TRAK2: variants seen among roughly 807,000 people sequenced by gnomAD.
TRAK2 encodes the protein trafficking kinesin-binding protein 2.
A neutral mutation model predicts 104.6 loss-of-function variants in TRAK2; 81 were observed. The ratio of observed to expected loss-of-function variants is 0.77; its 90% CI spans 0.65 to 0.93. The LOEUF (loss-of-function observed/expected upper bound fraction) is 0.93. TRAK2 is among the 40% of genes least tolerant of loss of function. The pLI is 0.00. For synonymous variants in TRAK2, 406 were observed against 394.4 expected (o/e 1.03, Z -0.35); for missense variants, 1,002 against 1,089.0 (o/e 0.92, Z 1.12).
intron 1 of TRAK2, among the ~76,000 whole-genome samples, chr2:201,443,953 C>A (rs1167964085): frequency 1.3e-5 from 2 of 152,156 alleles, no homozygotes; most frequent in Non-Finnish European, 2.9e-5. Flanking sequence ...GTAATCCCAG[C>A]ACTTTGGGAG....
At chr2:201,413,204 A>C (rs1297425907) in intron 2 of TRAK2, 22 of 1,494,888 alleles carry the variant, frequency 1.5e-5, no homozygotes, top group Non-Finnish European at 2.0e-5. Context: ...CAATGTGCTG[A>C]CCAACATCAA....
chr2:201,386,581 A>G, intron 13 of TRAK2, 97 bp from the exon 14 acceptor site: 2 of 1,433,340 alleles, frequency 1.4e-6, no homozygotes, highest in Non-Finnish European at 1.9e-6. Flanking sequence ...AACAATAATG[A>G]CAGCAATAAA....
intron 12 of TRAK2, among the ~76,000 whole-genome samples, chr2:201,388,545 A>G (rs951982219): frequency 6.6e-6 from 1 of 152,250 alleles, no homozygotes; most frequent in African/African-American, 2.4e-5. Flanking sequence ...AAATTTGTAT[A>G]TAATACTGCA....
In TRAK2 at chr2:201,380,753, T is replaced by C. The variant is rs1361880673; in HGVS notation, c.2535A>G (p.Arg845=). The change falls in exon 16 of 16, where the codon AGA becomes AGG. Residue 845 remains arginine (R), a synonymous_variant. Transcript: ENST00000332624. The part of the protein sequence containing the change: ...VDRLKRLGIA[R]VVKNPGAQEN... ...CTTGGGCACCAGGGTTCTTGACCAC[T>C]CTGGCTATCCCCAGTCTCTTCAGCC... 6.2e-7 allele frequency: 1 copy of C among 1,614,144 alleles called. No homozygotes were observed. The highest frequency in any genetic ancestry group is 1.1e-5 in the South Asian group (1 of 91,078).
At chr2:201,429,348 GCTCTT>G (rs773356013) in intron 1 of TRAK2, among the ~76,000 whole-genome samples, 23 of 152,300 alleles carry the variant, frequency 1.5e-4, no homozygotes, top group Middle Eastern at 3.4e-3. Context: ...TCTTGCAGTT[GCTCTT>G]CTCGAGGAGT....
intron 12 of TRAK2, 151 bp from the exon 13 acceptor site, chr2:201,388,152 C>T: frequency 4.0e-6 from 3 of 755,680 alleles, no homozygotes; most frequent in South Asian, 1.5e-5. Flanking sequence ...TAACAACAAA[C>T]CAAAATCACC....
rs1403641659 is a variant in TRAK2 at position 201,378,447 on chromosome 2, G to C, written c.*2096C>G. Reference sequence around the variant, plus strand: ...AGTTTCCTACTTCCTGATGTTTCCTGGAAACTGTAACTGTCCAGGCAACAG... The same window carrying C: ...AGTTTCCTACTTCCTGATGTTTCCTCGAAACTGTAACTGTCCAGGCAACAG... On this transcript the variant is annotated 3_prime_UTR_variant, in exon 16 of 16. Coordinates refer to ENST00000332624, the MANE Select transcript of TRAK2 (RefSeq NM_015049.3). 1 of 151,974 alleles carries C rather than the reference G, an allele frequency of 6.6e-6. No homozygotes were observed. The highest frequency in any genetic ancestry group is 6.6e-5 in the Admixed American group (1 of 15,246). 9.4% of individuals were successfully genotyped at this position (151,974 alleles called of 1,614,324 possible).
chr2:201,425,713 GCTTT>G lies in TRAK2; in HGVS notation c.-199-5011_-199-5008del, dbSNP rs558849086. 3.7e-3 allele frequency among the ~76,000 whole-genome samples: 379 copies of G among 103,290 alleles called. 2 individuals carry two copies. The highest frequency in any genetic ancestry group is 0.011 in the African/African-American group (350 of 31,538). The allele number at this position is 103,290 out of a possible 152,430, so 67.8% of individuals were successfully genotyped here. A position where few individuals can be genotyped will look rare whatever the true frequency, so the allele number is the denominator to read the frequency against. On this transcript the variant is annotated intron_variant, in intron 1 of 15. Transcript: ENST00000332624. ...ACCGTGCCCCACTCCAGAAAGCATT[GCTTT>G]TTTTTTTTAAATAATGTTATATACT... is the stretch of plus-strand genomic sequence containing the variant.
At chr2:201,389,180 G>T in intron 12 of TRAK2, 120 bp downstream of exon 12, 1 of 1,004,246 alleles carries the variant, frequency 1.0e-6, no homozygotes, top group Non-Finnish European at 1.5e-6. Flanking sequence ...ATAAGTGAAG[G>T]AAAACTGACA....
At chr2:201,407,311 G>A in intron 3 of TRAK2, 92 bp downstream of exon 3, 1 of 1,088,760 alleles carries the variant, frequency 9.2e-7, no homozygotes, top group Non-Finnish European at 1.3e-6. Context: ...CTGAACAATG[G>A]CTACTAAACA....
intron 5 of TRAK2, 53 bp from the exon 6 acceptor site, chr2:201,398,407 G>A (rs2125645975): frequency 1.4e-6 from 2 of 1,432,840 alleles, no homozygotes; most frequent in East Asian, 4.6e-5. Flanking sequence ...ATTATTTATA[G>A]CAATATAGCT....
At chr2:201,414,339 T>C (rs1231326663) in intron 2 of TRAK2, among the ~76,000 whole-genome samples, 1 of 152,188 alleles carries the variant, frequency 6.6e-6, no homozygotes, top group Non-Finnish European at 1.5e-5. Flanking sequence ...ATAGCGAAAG[T>C]ACAGGATGTC....
In TRAK2 at chr2:201,407,585, T is replaced by A; in HGVS notation, c.104A>T (p.Asn35Ile). 6.2e-7 allele frequency: 1 copy of A among 1,613,210 alleles called. No individual in the cohort carries two copies. The change falls in exon 3 of 16, where the codon AAT becomes ATT. Residue 35 changes from asparagine to isoleucine, a missense_variant. Transcript: ENST00000332624. The stretch of plus-strand genomic sequence containing the variant: ...CAGCTCAACTTCAGGGAGATCCTCA[T>A]TGGAGCAGACATCTAAAGAGGAGAG... The part of the protein sequence containing the change: ...DSESITDVCS[N>I]EDLPEVELVS...
chr2:201,446,052 TG>T (rs1380010896), intron 1 of TRAK2, among the ~76,000 whole-genome samples: 2 of 152,202 alleles, frequency 1.3e-5, no homozygotes, highest in Non-Finnish European at 2.9e-5. Flanking sequence ...TGGGGATAGA[TG>T]AACTTTTTCC....
chr2:201,380,874 G>C lies in TRAK2; in HGVS notation c.2414C>G (p.Ser805Cys), dbSNP rs767933651. The change falls in exon 16 of 16, where the codon TCT (serine) becomes TGT (cysteine). Residue 805 changes from serine (S) to cysteine (C), a missense_variant. Ser to Cys is a moderately radical substitution (Grantham distance 112). Transcript: ENST00000332624. Reference sequence around the variant, plus strand: ...CTGGAGGAATGTCTCAGCTGGTCGAGAGGCCAAAAAATTTTCAGAGAGATG... The same window carrying C: ...CTGGAGGAATGTCTCAGCTGGTCGACAGGCCAAAAAATTTTCAGAGAGATG... Reference protein sequence around the residue: ...RVHLSENFLASRPAETFLQEM... With the variant: ...RVHLSENFLACRPAETFLQEM... 6 of 1,613,942 alleles carry C rather than the reference G, an allele frequency of 3.7e-6. No homozygotes were observed. In the South Asian group the frequency reaches 4.4e-5, roughly 12 times the overall value.
Position 201,380,985 on chromosome 2 carries a change from G to C in TRAK2, c.2303C>G (p.Pro768Arg), listed in dbSNP as rs772281604. Residue 768 changes from proline (P) to arginine (R), a missense_variant, in exon 16 of 16, where the codon CCT (proline) becomes CGT (arginine). Pro to Arg is a moderately radical substitution (Grantham distance 103). Transcript: ENST00000332624. ...PISENPLQPL[P>R]KSLAIPSTPP... ...TGTGGAAGGGATAGCCAGGGATTTA[G>C]GGAGAGGCTGGAGGGGGTTCTCTGA... The C allele has an allele frequency of 6.2e-7, 1 of 1,614,034 alleles. No individual in the cohort carries two copies. Among genetic ancestry groups the C allele is most frequent in the Non-Finnish European group, 8.5e-7 (1 of 1,180,018 alleles).
In TRAK2 at chr2:201,377,880, G is replaced by GA. The variant is rs200050042; in HGVS notation, c.*2662dup. The stretch of plus-strand genomic sequence containing the variant: ...AATCACTGAAAACCTTCTTAAAGGC[G>GA]AAAAAAAAAAAAGATTGAGGTTTCC... On this transcript the variant is annotated 3_prime_UTR_variant, in exon 16 of 16. Transcript: ENST00000332624. The GA allele has an allele frequency of 0.096, 13,328 of 138,714 alleles. 698 individuals are homozygous for GA. The highest frequency in any genetic ancestry group is 0.14 in the African/African-American group (5,478 of 38,064). 8.6% of individuals were successfully genotyped at this position (138,714 alleles called of 1,614,324 possible). A position where few individuals can be genotyped will look rare whatever the true frequency, so the allele number is the denominator to read the frequency against.
chr2:201,429,265 C>G (rs1036869778), intron 1 of TRAK2, among the ~76,000 whole-genome samples: 1 of 152,140 alleles, frequency 6.6e-6, no homozygotes, highest in Non-Finnish European at 1.5e-5. Flanking sequence ...TTGTGGGTAA[C>G]GCAACCTTTC....
At chr2:201,418,964 C>T (rs961406467) in intron 2 of TRAK2, among the ~76,000 whole-genome samples, 1 of 152,114 alleles carries the variant, frequency 6.6e-6, no homozygotes, top group Non-Finnish European at 1.5e-5. Flanking sequence ...GGTCCATTTA[C>T]CTAACAAAGG....
Sources: allele counts gnomAD v4.1 joint callset (sites outside exome capture counted in the v4.1 genomes callset), GRCh38; gene constraint gnomAD v4.1.1; transcripts MANE v1.5; gene names NCBI Gene and HGNC (gene_info 2026-07-23, HGNC 2026-07-21).